The following EFCAB13 variants were observed in gnomAD, a reference collection of about 807,000 sequenced individuals.
EFCAB13 encodes EF-hand calcium binding domain 13.
In EFCAB13, 91 loss-of-function variants were observed where a neutral mutation model predicts 110.2. The observed-to-expected ratio is 0.83, with a 90% CI of 0.70 to 0.98. The LOEUF is 0.98. EFCAB13 is among the 50% of genes least tolerant of loss of function. The probability of loss-of-function intolerance (pLI) is 0.00; values close to 1 mark genes in which losing one functional copy is unlikely to be tolerated. For synonymous variants in EFCAB13, 323 were observed against 369.9 expected (o/e 0.87, Z 1.45); for missense variants, 968 against 1,119.4 (o/e 0.86, Z 1.93).
At chr17:47,342,511 C>T (rs145368946) in intron 6 of EFCAB13, among the ~76,000 whole-genome samples, 1 of 152,232 alleles carries the variant, frequency 6.6e-6, no homozygotes, top group African/African-American at 2.4e-5. Context: ...ACATTTTCTC[C>T]AAATAAGGTG....
intron 5 of EFCAB13, among the ~76,000 whole-genome samples, chr17:47,336,538 G>A (rs2065351677): frequency 6.6e-6 from 1 of 151,540 alleles, no homozygotes. Flanking sequence ...TGATCCGCCT[G>A]CTTCTGCCTC....
Position 47,412,931 on chromosome 17 carries a change from G to A in EFCAB13, c.2422+15G>A. Reference sequence around the variant, plus strand: ...TAACGTCAGTGGTGAGCATTTTTTTGGCCTGAGATTCTTTTCATTTTTTTT... The same window carrying A: ...TAACGTCAGTGGTGAGCATTTTTTTAGCCTGAGATTCTTTTCATTTTTTTT... On this transcript the variant is annotated intron_variant, in intron 22 of 24. Coordinates refer to ENST00000331493, the MANE Select transcript of EFCAB13 (RefSeq NM_152347.5). 6.3e-7 allele frequency: 1 copy of A among 1,596,342 alleles called. No homozygotes were observed. The highest frequency in any genetic ancestry group is 2.2e-5 in the East Asian group (1 of 44,634).
At chr17:47,426,356 G>A (rs925852681) in intron 23 of EFCAB13, among the ~76,000 whole-genome samples, 4 of 152,130 alleles carry the variant, frequency 2.6e-5, no homozygotes, top group African/African-American at 4.8e-5. Context: ...GAAATCTGGG[G>A]GAGCCATAAC....
At position 47,344,295 on chromosome 17, in the gene EFCAB13, A is replaced by G. The variant is rs2065402863; in HGVS notation, c.434+3A>G. On this transcript the variant is annotated splice_donor_region_variant and intron_variant, in intron 7 of 24. Transcript: ENST00000331493. ...TGTACATCTTCTGCAATTACTCGGT[A>G]TTTAAATCCTTGTACTCTATTTTTT... 6.2e-7 allele frequency: 1 copy of G among 1,611,418 alleles called. No homozygotes were observed. The highest frequency in any genetic ancestry group is 8.5e-7 in the Non-Finnish European group (1 of 1,178,478).
At chr17:47,409,974 G>C (rs2065825331) in intron 21 of EFCAB13, among the ~76,000 whole-genome samples, 1 of 152,004 alleles carries the variant, frequency 6.6e-6, no homozygotes, top group African/African-American at 2.4e-5. Context: ...CTTTACTTTA[G>C]TTCCTTAGAT....
At chr17:47,423,663 GC>G in intron 23 of EFCAB13, 3 of 420,906 alleles carry the variant, frequency 7.1e-6, no homozygotes, top group Non-Finnish European at 1.2e-5. Context: ...TGCGGGCGGC[GC>G]GCGGGGTCCG....
intron 5 of EFCAB13, chr17:47,340,047 A>G (rs996284768): frequency 3.3e-5 from 5 of 152,186 alleles, no homozygotes; most frequent in South Asian, 2.1e-4. Context: ...TAGAGCATCA[A>G]TAAGTATAAT....
At chr17:47,336,862 T>C (rs2065354259) in intron 5 of EFCAB13, among the ~76,000 whole-genome samples, 1 of 152,112 alleles carries the variant, frequency 6.6e-6, no homozygotes, top group Admixed American at 6.5e-5. Flanking sequence ...GTATTTATTA[T>C]TTATAAAATG....
At chr17:47,397,845 C>G (rs548908746) in intron 17 of EFCAB13, among the ~76,000 whole-genome samples, 1 of 152,026 alleles carries the variant, frequency 6.6e-6, no homozygotes, top group Non-Finnish European at 1.5e-5. Context: ...TGAAGAGCCC[C>G]TCCACCCGGC....
intron 21 of EFCAB13, among the ~76,000 whole-genome samples, chr17:47,410,658 G>A (rs2065829630): frequency 6.6e-6 from 1 of 152,162 alleles, no homozygotes. Context: ...TGTGAAGTTA[G>A]CAAGTTACAT....
At chr17:47,338,210 G>A (rs1256132271) in intron 5 of EFCAB13, among the ~76,000 whole-genome samples, 1 of 151,508 alleles carries the variant, frequency 6.6e-6, no homozygotes, top group Non-Finnish European at 1.5e-5. Flanking sequence ...AATGGGTAAT[G>A]GGTCATGAAA....
chr17:47,341,893 G>A, intron 5 of EFCAB13, 28 bp from the exon 6 acceptor site: 1 of 1,272,712 alleles, frequency 7.9e-7, no homozygotes, highest in Non-Finnish European at 1.1e-6. Context: ...AGAAATTCAA[G>A]AATGATTCCA....
chr17:47,397,214 GTGT>G (rs1292939210), intron 17 of EFCAB13, among the ~76,000 whole-genome samples: 1 of 152,194 alleles, frequency 6.6e-6, no homozygotes, highest in Non-Finnish European at 1.5e-5. Flanking sequence ...GGGTTTCGCT[GTGT>G]TGGCCGGGCT....
At chr17:47,378,470 T>C (rs904817722) in intron 13 of EFCAB13, among the ~76,000 whole-genome samples, 1 of 152,072 alleles carries the variant, frequency 6.6e-6, no homozygotes, top group Admixed American at 6.5e-5. Flanking sequence ...AGAAGTTCAA[T>C]TGAGGAGAGG....
chr17:47,396,772 T>A (rs1227275814), intron 17 of EFCAB13, among the ~76,000 whole-genome samples: 1 of 152,220 alleles, frequency 6.6e-6, no homozygotes, highest in African/African-American at 2.4e-5. Flanking sequence ...AGTTTTGGGC[T>A]TTAAATGTAT....
chr17:47,350,058 G>A (rs2065440897), intron 9 of EFCAB13, among the ~76,000 whole-genome samples: 1 of 152,112 alleles, frequency 6.6e-6, no homozygotes, highest in Non-Finnish European at 1.5e-5. Context: ...ACAGGTGTGA[G>A]CCACCGTGCC....
intron 4 of EFCAB13, among the ~76,000 whole-genome samples, chr17:47,334,020 T>C (rs1315611635): frequency 6.6e-6 from 1 of 152,208 alleles, no homozygotes; most frequent in Non-Finnish European, 1.5e-5. Context: ...TAGATATCAT[T>C]GGAAAGTATG....
rs74745378 is a variant in EFCAB13, at chr17:47,395,863, G to T, written c.1831G>T (p.Asp611Tyr). ...VLPDAIETLD[D>Y]LRKETMSVSD... is the part of the protein sequence containing the mutation. ...GCCTGATGCTATTGAAACCCTCGAC[G>T]ATCTCAGAAAGGAGACGATGAGTGT... The change falls in exon 17 of 25, where the codon GAT (aspartate) becomes TAT (tyrosine). Residue 611 changes from aspartate (D) to tyrosine (Y), a missense_variant. By Grantham distance (160) the Asp-to-Tyr change is radical. Coordinates refer to ENST00000331493, the MANE Select transcript of EFCAB13 (RefSeq NM_152347.5). The T allele has an allele frequency of 1.1e-5, 18 of 1,607,782 alleles. No homozygotes were observed. The highest frequency in any genetic ancestry group is 1.7e-5 in the Admixed American group (1 of 59,824).
Position 47,374,618 on chromosome 17 carries a change from A to C in EFCAB13, c.1024A>C (p.Ser342Arg), listed in dbSNP as rs2065603721. 1 of 1,603,932 alleles carries C rather than the reference A, an allele frequency of 6.2e-7. No individual in the cohort carries two copies. Among genetic ancestry groups the C allele is most frequent in the Non-Finnish European group, 8.5e-7 (1 of 1,177,578 alleles). ...AATATCCAAAAAGTTAAATAAAAAA[A>C]GCAACCAATATTATAGCAAAATTAT... ...PSISKKLNKKSNQYYSKIMEN... is the reference protein window; with the variant it reads ...PSISKKLNKKRNQYYSKIMEN... The change falls in exon 12 of 25, where the codon AGC (serine) becomes CGC (arginine). Residue 342 changes from serine to arginine, a missense_variant. Ser to Arg is a moderately radical substitution (Grantham distance 110). Transcript: ENST00000331493.
Sources: allele counts gnomAD v4.1 joint callset (sites outside exome capture counted in the v4.1 genomes callset), GRCh38; gene constraint gnomAD v4.1.1; transcripts MANE v1.5; gene names NCBI Gene and HGNC (gene_info 2026-07-23, HGNC 2026-07-21).